The following LAMA3 variants were observed in gnomAD, a reference collection of about 807,000 sequenced individuals.
LAMA3 encodes the protein laminin subunit alpha-3.
In LAMA3, 281 loss-of-function variants were observed where a neutral mutation model predicts 402.0. The ratio of observed to expected loss-of-function variants is 0.70; its 90% CI spans 0.63 to 0.77. The LOEUF (loss-of-function observed/expected upper bound fraction) is 0.77, where lower values mean the gene tolerates loss of function less well. Among genes scored for constraint, LAMA3 ranks in the 30% least tolerant of loss-of-function variants. The pLI is 0.00. For synonymous variants in LAMA3, 1,431 were observed against 1,558.4 expected, an observed-to-expected ratio of 0.92 and a Z score of 1.93; for missense variants, 3,840 against 4,215.5, an observed-to-expected ratio of 0.91 and a Z score of 2.47.
chr18:23,816,337 T>A, intron 17 of LAMA3, 51 bp from the exon 18 acceptor site: 1 of 1,428,318 alleles, frequency 7.0e-7, no homozygotes, highest in Non-Finnish European at 9.9e-7. Context: ...GGGGAGGCGC[T>A]CAGTGTGGAG....
At chr18:23,870,746 A>G (rs2064493375) in intron 37 of LAMA3, among the ~76,000 whole-genome samples, 1 of 152,246 alleles carries the variant, frequency 6.6e-6, no homozygotes, top group Non-Finnish European at 1.5e-5. Flanking sequence ...AAAAGGACGA[A>G]TACTTCATGA....
In LAMA3 at chr18:23,894,209, C is replaced by T. The variant is rs1020792890; in HGVS notation, c.5411-89C>T. The T allele has an allele frequency of 4.5e-6, 5 of 1,099,016 alleles. 1 individual carries two copies. In the Middle Eastern group the frequency reaches 1.1e-3, roughly 235 times the overall value. 68.1% of individuals were successfully genotyped at this position (1,099,016 alleles called of 1,614,324 possible). ...TTTGCACCAAACTAATAAAACTTTG[C>T]AAAACTAGCTTTTCTGAAAACCAAG... On this transcript the variant is annotated intron_variant, in intron 42 of 74. Coordinates refer to ENST00000313654, the MANE Select transcript of LAMA3 (RefSeq NM_198129.4).
chr18:23,709,929 A>G, intron 1 of LAMA3: 1 of 716,056 alleles, frequency 1.4e-6, no homozygotes. Flanking sequence ...GACTTTGGCC[A>G]CATCAATGTC....
At chr18:23,852,978 G>A (rs1300536767) in intron 32 of LAMA3, among the ~76,000 whole-genome samples, 2 of 152,026 alleles carry the variant, frequency 1.3e-5, no homozygotes, top group African/African-American at 2.4e-5. Flanking sequence ...AGCCTTCTAC[G>A]AGTCCACAGA....
intron 23 of LAMA3, among the ~76,000 whole-genome samples, chr18:23,833,218 G>A (rs950998047): frequency 3.9e-5 from 6 of 152,072 alleles, no homozygotes; most frequent in African/African-American, 7.3e-5. Context: ...AAGACATCCC[G>A]AATTGTCTAC....
At chr18:23,920,789 T>G in intron 60 of LAMA3, 146 bp from the exon 61 acceptor site, 1 of 898,646 alleles carries the variant, frequency 1.1e-6, no homozygotes, top group Non-Finnish European at 1.8e-6. Context: ...TCCCGTGAGG[T>G]TGCTGTTGCA....
At position 23,907,912 on chromosome 18, in the gene LAMA3, C is replaced by T; in HGVS notation, c.6992C>T (p.Ala2331Val). 6.2e-7 allele frequency: 1 copy of T among 1,613,924 alleles called. No homozygotes were observed. Among genetic ancestry groups the T allele is most frequent in the Non-Finnish European group, 8.5e-7 (1 of 1,180,004 alleles). Reference protein sequence around the residue: ...GRTQNEDFKKALTDADNSVNK... With the variant: ...GRTQNEDFKKVLTDADNSVNK... ...ACACAGAACGAAGACTTCAAAAAGG[C>T]TCTGACTGATGCAGATAACTCGGGT... The change falls in exon 54 of 75, where the codon GCT (alanine) becomes GTT (valine). Residue 2331 changes from alanine to valine, a missense_variant. Physicochemically the swap from Ala to Val is moderately conservative, Grantham distance 64. Transcript: ENST00000313654.
At chr18:23,756,162 G>A (rs1206720747) in intron 6 of LAMA3, among the ~76,000 whole-genome samples, 1 of 152,130 alleles carries the variant, frequency 6.6e-6, no homozygotes, top group African/African-American at 2.4e-5. Flanking sequence ...ATGTCCATGT[G>A]CTTTAACAGG....
At chr18:23,860,341 C>G (rs1208743671) in intron 34 of LAMA3, among the ~76,000 whole-genome samples, 5 of 150,068 alleles carry the variant, frequency 3.3e-5, no homozygotes, top group Non-Finnish European at 7.4e-5. Flanking sequence ...TCATTGCAAC[C>G]TTCGCTTCCA....
intron 6 of LAMA3, among the ~76,000 whole-genome samples, chr18:23,754,808 T>C (rs1286336311): frequency 6.6e-6 from 1 of 152,224 alleles, no homozygotes; most frequent in Non-Finnish European, 1.5e-5. Context: ...TTTATCTCAA[T>C]GTTTAACTTA....
intron 43 of LAMA3, among the ~76,000 whole-genome samples, 180 bp from the exon 44 acceptor site, chr18:23,894,727 C>G (rs2080812927): frequency 6.6e-6 from 1 of 152,214 alleles, no homozygotes; most frequent in African/African-American, 2.4e-5. Flanking sequence ...CTAAAATGCT[C>G]CCTGTGCACA....
intron 38 of LAMA3, among the ~76,000 whole-genome samples, chr18:23,871,929 C>A (rs2064536231): frequency 6.6e-6 from 1 of 152,122 alleles, no homozygotes; most frequent in Non-Finnish European, 1.5e-5. Flanking sequence ...AAATAATGTA[C>A]TATAGTTTCA....
chr18:23,833,879 G>A lies in LAMA3; in HGVS notation c.2875G>A (p.Val959Met). The A allele has an allele frequency of 6.2e-7, 1 of 1,614,070 alleles. No individual in the cohort carries two copies. The highest frequency in any genetic ancestry group is 8.5e-7 in the Non-Finnish European group (1 of 1,180,034). Reference protein sequence around the residue: ...RIPQVGHYVVVVEYSTEAAQL... With the variant: ...RIPQVGHYVVMVEYSTEAAQL... Reference sequence around the variant, plus strand: ...CCCACAGGTTGGCCACTACGTGGTTGTGGTCGAGTATTCCACGGAGGCAGC... The same window carrying A: ...CCCACAGGTTGGCCACTACGTGGTTATGGTCGAGTATTCCACGGAGGCAGC... The change falls in exon 24 of 75, where the codon GTG (valine) becomes ATG (methionine). Residue 959 changes from valine to methionine, a missense_variant. Around this residue, in one of 3 missense-constraint regions of LAMA3, gnomAD observed 2,109 missense variants for 2,376.0 expected, o/e 0.89. Transcript: ENST00000313654.
intron 1 of LAMA3, among the ~76,000 whole-genome samples, chr18:23,708,924 A>AT (rs750071030): frequency 1.1e-5 from 1 of 88,970 alleles, no homozygotes; most frequent in African/African-American, 3.7e-5. Flanking sequence ...CACCTGGCTA[A>AT]TTAAAAAAAA....
intron 4 of LAMA3, among the ~76,000 whole-genome samples, chr18:23,750,138 G>A (rs2061719758): frequency 6.6e-6 from 1 of 152,168 alleles, no homozygotes; most frequent in Admixed American, 6.5e-5. Flanking sequence ...GTCCCTGTGG[G>A]GTTGCATTTG....
Position 23,846,360 on chromosome 18 carries a change from G to A in LAMA3, c.3783G>A (p.Lys1261=). 6.2e-7 allele frequency: 1 copy of A among 1,614,226 alleles called. No individual in the cohort carries two copies. Residue 1261 remains lysine, a synonymous_variant, in exon 31 of 75, where the codon AAG becomes AAA. Transcript: ENST00000313654. ...GGTCCCTGGTGGCCTTTTACCACAA[G>A]GGCGCCCTGCCTTGTGAGTGCCACC... ...SARSLVAFYH[K]GALPCECHPT...
chr18:23,713,879 A>G lies in LAMA3; in HGVS notation c.295-41A>G, dbSNP rs1447634800. 5 of 1,590,560 alleles carry G rather than the reference A, an allele frequency of 3.1e-6. No individual in the cohort carries two copies. The South Asian group carries it at 5.7e-5, about 18-fold the overall frequency. On this transcript the variant is annotated intron_variant, in intron 1 of 74. Transcript: ENST00000313654. ...AAAAATTACTTGAAAGTAAAAAAAT[A>G]AAAAACAAAAAACAAAAAAAACCCA... is the stretch of plus-strand genomic sequence containing the variant.
At position 23,899,335 on chromosome 18, in the gene LAMA3, C is replaced by T. The variant is rs367849978; in HGVS notation, c.5884C>T (p.Pro1962Ser). Residue 1962 changes from proline to serine, a missense_variant, in exon 47 of 75, where the codon CCT becomes TCT. Physicochemically the swap from Pro to Ser is moderately conservative, Grantham distance 74. Coordinates refer to ENST00000313654, the MANE Select transcript of LAMA3 (RefSeq NM_198129.4). ...SGTDGEGNNV[P>S]SGDFSREWAE... ...GACAGATGGAGAGGGAAACAACGTGCCTTCAGGTGACTTTTCCAGAGAGTG... is the reference window on the plus strand; with the variant it reads ...GACAGATGGAGAGGGAAACAACGTGTCTTCAGGTGACTTTTCCAGAGAGTG... 6.2e-7 allele frequency: 1 copy of T among 1,613,980 alleles called. No individual in the cohort carries two copies. Among genetic ancestry groups the T allele is most frequent in the Non-Finnish European group, 8.5e-7 (1 of 1,179,972 alleles).
At chr18:23,860,086 G>A (rs2064178220) in intron 34 of LAMA3, among the ~76,000 whole-genome samples, 1 of 152,050 alleles carries the variant, frequency 6.6e-6, no homozygotes, top group Non-Finnish European at 1.5e-5. Flanking sequence ...AAATTACAAG[G>A]GTTTTAGGAG....
Sources: gnomAD v4.1 joint callset for allele counts (sites outside exome capture counted in the v4.1 genomes callset) on GRCh38, gnomAD v4.1.1 for gene constraint, gnomAD v4.1.1 regional missense constraint, MANE v1.5 for transcripts, NCBI Gene and HGNC (gene_info 2026-07-23, HGNC 2026-07-21) for gene names.